Variants in PRKAR1B observed in about 807,000 individuals in gnomAD.
PRKAR1B encodes the protein cAMP-dependent protein kinase type I-beta regulatory subunit.
Under a neutral mutation model 46.5 loss-of-function variants are expected in PRKAR1B, and 22 were observed. That is an observed-to-expected ratio of 0.47 (90% CI 0.34 to 0.68). The LOEUF (loss-of-function observed/expected upper bound fraction) is 0.68, where lower values mean the gene tolerates loss of function less well. Among genes scored for constraint, PRKAR1B ranks in the 30% least tolerant of loss-of-function variants. PRKAR1B has a pLI of 0.01. For synonymous variants in PRKAR1B, 259 were observed against 217.7 expected (o/e 1.19, Z -1.67); for missense variants, 445 against 535.6 (o/e 0.83, Z 1.67).
At chr7:721,099 A>G (rs1781056813) in intron 1 of PRKAR1B, among the ~76,000 whole-genome samples, 1 of 152,196 alleles carries the variant, frequency 6.6e-6, no homozygotes, top group African/African-American at 2.4e-5. Context: ...ATCGGCATCT[A>G]TGATTTTCCA....
intron 4 of PRKAR1B, among the ~76,000 whole-genome samples, chr7:634,150 G>A (rs1783909641): frequency 6.6e-6 from 1 of 152,076 alleles, no homozygotes; most frequent in African/African-American, 2.4e-5. Context: ...AGCCTCCCCA[G>A]TAGCTAGGAT....
In PRKAR1B at chr7:685,285, T is replaced by C. The variant is rs1315036139; in HGVS notation, c.178-4559A>G. Among the ~76,000 whole-genome samples, 5 of 11,416 alleles carry C rather than the reference T, an allele frequency of 4.4e-4. 1 individual carries two copies. The highest frequency in any genetic ancestry group is 1.6e-3 in the African/African-American group (5 of 3,068). The allele number at this position is 11,416 out of a possible 152,430, so 7.5% of individuals were successfully genotyped here. On this transcript the variant is annotated intron_variant, in intron 2 of 10. Transcript: ENST00000537384. ...ACATATATACGTATATATACGTATA[T>C]ATATGTATACATATATATATACGTA... is the stretch of plus-strand genomic sequence containing the variant.
intron 6 of PRKAR1B, among the ~76,000 whole-genome samples, chr7:601,409 C>T (rs2128459886): frequency 6.6e-6 from 1 of 152,366 alleles, no homozygotes; most frequent in African/African-American, 2.4e-5. Context: ...CCCCCGGGTG[C>T]TGTAATAACA....
chr7:683,335 CT>C (rs1390732453), intron 2 of PRKAR1B, among the ~76,000 whole-genome samples: 2 of 152,280 alleles, frequency 1.3e-5, no homozygotes, highest in Admixed American at 1.3e-4. Context: ...AAATGGTTTG[CT>C]TATTGGTTCC....
chr7:551,605 C>A, intron 9 of PRKAR1B, 135 bp from the exon 10 acceptor site: 1 of 828,716 alleles, frequency 1.2e-6, no homozygotes, highest in Non-Finnish European at 1.9e-6. Flanking sequence ...GAGCCACTGC[C>A]GACACCACGT....
chr7:598,099 G>A (rs1160766135), intron 6 of PRKAR1B, among the ~76,000 whole-genome samples: 1 of 152,156 alleles, frequency 6.6e-6, no homozygotes, highest in African/African-American at 2.4e-5. Flanking sequence ...CGCCTGGGGT[G>A]GCAGTCGCCA....
chr7:686,161 C>T (rs1373429115), intron 2 of PRKAR1B, among the ~76,000 whole-genome samples: 10 of 151,826 alleles, frequency 6.6e-5, no homozygotes, highest in East Asian at 1.9e-4. Flanking sequence ...ATTAGCTGGG[C>T]GTGGTGGTGG....
At chr7:632,294 C>A (rs1783797492) in intron 4 of PRKAR1B, among the ~76,000 whole-genome samples, 1 of 152,180 alleles carries the variant, frequency 6.6e-6, no homozygotes, top group Admixed American at 6.5e-5. Flanking sequence ...ATCTTCTCAA[C>A]CTCAAGGGGC....
chr7:721,502 C>T (rs1383515524), intron 1 of PRKAR1B, among the ~76,000 whole-genome samples: 1 of 152,080 alleles, frequency 6.6e-6, no homozygotes, highest in Non-Finnish European at 1.5e-5. Flanking sequence ...TAAAAAAATA[C>T]TCGGGCATGG....
At chr7:664,974 G>A (rs997174930) in intron 4 of PRKAR1B, among the ~76,000 whole-genome samples, 20 of 152,146 alleles carry the variant, frequency 1.3e-4, no homozygotes, top group Admixed American at 2.6e-4. Flanking sequence ...CAAGATCCAC[G>A]CAGGCCACGA....
At chr7:705,918 C>T (rs992723224) in intron 2 of PRKAR1B, among the ~76,000 whole-genome samples, 43 of 151,690 alleles carry the variant, frequency 2.8e-4, no homozygotes, top group Admixed American at 8.5e-4. Context: ...CCCAGCTACT[C>T]GGGAGGCTGA....
At chr7:635,939 CACACA>C (rs1784030642) in intron 4 of PRKAR1B, among the ~76,000 whole-genome samples, 4 of 148,058 alleles carry the variant, frequency 2.7e-5, no homozygotes, top group African/African-American at 7.4e-5. Context: ...GCACCGCGCC[CACACA>C]TCCTCCACCG....
chr7:670,023 G>A (rs375893061), intron 4 of PRKAR1B, among the ~76,000 whole-genome samples: 8 of 151,214 alleles, frequency 5.3e-5, no homozygotes, highest in Admixed American at 2.0e-4. Context: ...CTGCCACCAC[G>A]CCCAGCTGAT....
intron 9 of PRKAR1B, among the ~76,000 whole-genome samples, chr7:568,294 G>C (rs1479257928): frequency 6.6e-6 from 1 of 152,196 alleles, no homozygotes; most frequent in African/African-American, 2.4e-5. Context: ...TGCTCCTGGG[G>C]AAGCTGCCCC....
At chr7:601,072 C>A (rs1781562536) in intron 6 of PRKAR1B, among the ~76,000 whole-genome samples, 1 of 152,208 alleles carries the variant, frequency 6.6e-6, no homozygotes. Context: ...GGGTGACGTC[C>A]ACCTCCAAGC....
At chr7:581,032 G>A (rs917338997) in intron 8 of PRKAR1B, among the ~76,000 whole-genome samples, 35 of 152,100 alleles carry the variant, frequency 2.3e-4, no homozygotes, top group African/African-American at 8.0e-4. Flanking sequence ...AGCTGGGCGC[G>A]GTGGCTCACG....
At chr7:596,482 G>T (rs1338300819) in intron 6 of PRKAR1B, among the ~76,000 whole-genome samples, 178 bp from the exon 7 acceptor site, 1 of 152,216 alleles carries the variant, frequency 6.6e-6, no homozygotes, top group Non-Finnish European at 1.5e-5. Context: ...GTGGACCCCA[G>T]TGCTCACCCC....
At chr7:632,344 G>C (rs932064536) in intron 4 of PRKAR1B, among the ~76,000 whole-genome samples, 1 of 152,124 alleles carries the variant, frequency 6.6e-6, no homozygotes, top group Non-Finnish European at 1.5e-5. Flanking sequence ...CACCGGCTTC[G>C]CAGAGACCCG....
chr7:599,213 T>TGTCACCACTCCCGGCGCAGTGCG (rs1195099990), intron 6 of PRKAR1B, among the ~76,000 whole-genome samples: 2 of 152,158 alleles, frequency 1.3e-5, no homozygotes, highest in Non-Finnish European at 2.9e-5. Context: ...CACTGGCCAC[T>TGTCACCACTCCCGGCGCAGTGCG]GTCACCACTC....
Sources: allele counts gnomAD v4.1 joint callset (sites outside exome capture counted in the v4.1 genomes callset), GRCh38; gene constraint gnomAD v4.1.1; transcripts MANE v1.5; gene names NCBI Gene and HGNC (gene_info 2026-07-23, HGNC 2026-07-21).